PRKCE: variants seen among roughly 807,000 people sequenced by gnomAD.
PRKCE encodes the protein protein kinase C epsilon type.
Under a neutral mutation model 85.4 loss-of-function variants are expected in PRKCE, and 16 were observed. The observed-to-expected ratio is 0.19, with a 90% CI of 0.13 to 0.28. The LOEUF (loss-of-function observed/expected upper bound fraction) is 0.28. PRKCE is among the 10% of genes least tolerant of loss of function. The probability of loss-of-function intolerance (pLI) is 1.00; values close to 1 mark genes in which losing one functional copy is unlikely to be tolerated. For missense variants in PRKCE, 573 were observed against 975.2 expected (o/e 0.59, Z 5.49); for synonymous variants, 388 against 371.5 (o/e 1.04, Z -0.51).
intron 1 of PRKCE, among the ~76,000 whole-genome samples, chr2:45,660,337 A>C (rs1675581275): frequency 6.6e-6 from 1 of 152,198 alleles, no homozygotes; most frequent in South Asian, 2.1e-4. Context: ...TTATGAGAGA[A>C]TGCTATATTA....
intron 1 of PRKCE, among the ~76,000 whole-genome samples, chr2:45,692,746 C>T (rs919363748): frequency 6.6e-6 from 1 of 151,950 alleles, no homozygotes; most frequent in Non-Finnish European, 1.5e-5. Flanking sequence ...CACACACACC[C>T]CCACACACAC....
chr2:45,771,931 C>A (rs1211358384), intron 1 of PRKCE, among the ~76,000 whole-genome samples: 1 of 152,082 alleles, frequency 6.6e-6, no homozygotes, highest in African/African-American at 2.4e-5. Flanking sequence ...TCAGTCATTG[C>A]CATGGGGCCC....
At position 45,721,327 on chromosome 2, in the gene PRKCE, G is replaced by A. The variant is rs902883539; in HGVS notation, c.348+68879G>A. On this transcript the variant is annotated intron_variant, in intron 1 of 14. Coordinates refer to ENST00000306156, the MANE Select transcript of PRKCE (RefSeq NM_005400.3). ...CTTGGGGAAGCAAGACACACCCACA[G>A]GGAGAGTTAAATAACAACACAAGTT... is the stretch of plus-strand genomic sequence containing the variant. Among the ~76,000 whole-genome samples, 3 of 152,138 alleles carry A rather than the reference G, an allele frequency of 2.0e-5. No individual in the cohort carries two copies. In the East Asian group the frequency reaches 5.8e-4, roughly 29 times the overall value.
At chr2:45,746,880 A>G (rs1020076800) in intron 1 of PRKCE, among the ~76,000 whole-genome samples, 2 of 152,008 alleles carry the variant, frequency 1.3e-5, no homozygotes, top group African/African-American at 4.8e-5. Flanking sequence ...CCTGCCCTTC[A>G]GTCTCCTCTC....
intron 2 of PRKCE, among the ~76,000 whole-genome samples, chr2:45,929,709 T>A (rs1698892997): frequency 6.6e-6 from 1 of 152,084 alleles, no homozygotes; most frequent in Non-Finnish European, 1.5e-5. Flanking sequence ...TCCTGTTCCA[T>A]CCCCATCTTC....
chr2:46,058,369 T>C (rs1387239513), intron 10 of PRKCE, among the ~76,000 whole-genome samples: 4 of 152,210 alleles, frequency 2.6e-5, no homozygotes, highest in Admixed American at 1.3e-4. Flanking sequence ...CAGATGCTCA[T>C]TGTGTGGGGA....
At chr2:46,122,467 A>G (rs988689572) in intron 11 of PRKCE, among the ~76,000 whole-genome samples, 2 of 152,094 alleles carry the variant, frequency 1.3e-5, no homozygotes, top group Non-Finnish European at 2.9e-5. Context: ...ACCTCAAGTG[A>G]TCCATCCACC....
intron 1 of PRKCE, among the ~76,000 whole-genome samples, chr2:45,686,111 G>A (rs1019306613): frequency 2.0e-5 from 3 of 152,160 alleles, no homozygotes; most frequent in Admixed American, 6.6e-5. Context: ...AGCCTGGCAA[G>A]TTTTAAAGGG....
chr2:45,958,814 ATATTTTTTTTTTTTTTTTTTTTT>A lies in PRKCE; in HGVS notation c.413-17613_413-17591del, dbSNP rs1188936300. ...AACATATATATATATATATATATAT[ATATTTTTTTTTTTTTTTTTTTTT>A]TTTTTTTTTTTTTTTTTTAATAGAA... On this transcript the variant is annotated intron_variant, in intron 2 of 14. Transcript: ENST00000306156. Among the ~76,000 whole-genome samples, 9 of 25,438 alleles carry A rather than the reference ATATTTTTTTTTTTTTTTTTTTTT, an allele frequency of 3.5e-4. No individual in the cohort carries two copies. The East Asian group carries it at 6.6e-3, about 19-fold the overall frequency. The allele number at this position is 25,438 out of a possible 152,430, so 16.7% of individuals were successfully genotyped here.
chr2:46,003,430 T>C (rs1329477899), intron 7 of PRKCE, among the ~76,000 whole-genome samples: 1 of 152,244 alleles, frequency 6.6e-6, no homozygotes, highest in Non-Finnish European at 1.5e-5. Context: ...CTGGAGGTGT[T>C]CTATTAAAAT....
chr2:46,008,600 C>T (rs368599470), intron 9 of PRKCE, among the ~76,000 whole-genome samples: 12 of 152,174 alleles, frequency 7.9e-5, no homozygotes, highest in African/African-American at 2.7e-4. Context: ...GCCTGTAGGT[C>T]AGTCAGCTGG....
chr2:46,072,272 A>T (rs1230711409), intron 10 of PRKCE, among the ~76,000 whole-genome samples: 2 of 152,242 alleles, frequency 1.3e-5, no homozygotes, highest in East Asian at 3.8e-4. Context: ...AGTGTTCAGA[A>T]TCCATGGGAT....
chr2:46,022,160 G>T (rs1574256984), intron 10 of PRKCE, among the ~76,000 whole-genome samples: 2 of 152,298 alleles, frequency 1.3e-5, no homozygotes, highest in Middle Eastern at 6.8e-3. Context: ...GGCACCACGA[G>T]TCAAGAAACT....
At chr2:46,019,038 T>C (rs1706413415) in intron 10 of PRKCE, among the ~76,000 whole-genome samples, 1 of 152,262 alleles carries the variant, frequency 6.6e-6, no homozygotes, top group South Asian at 2.1e-4. Flanking sequence ...AACATCAACC[T>C]GAGTACAACA....
rs374508675 is a variant in PRKCE at position 46,186,068 on chromosome 2, A to G, written c.*1187A>G. The G allele has an allele frequency of 9.2e-5, 14 of 152,780 alleles. No individual in the cohort carries two copies. The highest frequency in any genetic ancestry group is 2.4e-4 in the African/African-American group (10 of 41,576). 9.5% of individuals were successfully genotyped at this position (152,780 alleles called of 1,614,324 possible). A position where few individuals can be genotyped will look rare whatever the true frequency, so the allele number is the denominator to read the frequency against. On this transcript the variant is annotated 3_prime_UTR_variant, in exon 15 of 15. Transcript: ENST00000306156. Reference sequence around the variant, plus strand: ...AGAGCAACTTGTTAGAAAACTGACAATGTCGCAAGATGTACTCAGTTTTGT... The same window carrying G: ...AGAGCAACTTGTTAGAAAACTGACAGTGTCGCAAGATGTACTCAGTTTTGT...
intron 2 of PRKCE, among the ~76,000 whole-genome samples, chr2:45,883,536 A>C (rs1695034635): frequency 6.6e-6 from 1 of 152,242 alleles, no homozygotes; most frequent in Admixed American, 6.5e-5. Context: ...GTGCCAGCCT[A>C]ACAGGTCCCT....
At chr2:45,664,362 G>A (rs971230668) in intron 1 of PRKCE, among the ~76,000 whole-genome samples, 6 of 152,256 alleles carry the variant, frequency 3.9e-5, no homozygotes, top group African/African-American at 1.4e-4. Flanking sequence ...CCATAAAATG[G>A]GAATAATAGC....
At chr2:45,660,306 A>G (rs917914370) in intron 1 of PRKCE, among the ~76,000 whole-genome samples, 23 of 152,208 alleles carry the variant, frequency 1.5e-4, no homozygotes, top group African/African-American at 5.6e-4. Context: ...ATAAAAATCT[A>G]TGAGATCCCT....
chr2:45,885,953 A>G (rs1480935391), intron 2 of PRKCE, among the ~76,000 whole-genome samples: 1 of 152,244 alleles, frequency 6.6e-6, no homozygotes, highest in Admixed American at 6.5e-5. Flanking sequence ...AAATCCAAGA[A>G]TCAGGTGTGT....
Sources: allele counts gnomAD v4.1 joint callset (sites outside exome capture counted in the v4.1 genomes callset), GRCh38; gene constraint gnomAD v4.1.1; transcripts MANE v1.5; gene names NCBI Gene and HGNC (gene_info 2026-07-23, HGNC 2026-07-21).